MLF1: variants seen among roughly 807,000 people sequenced by gnomAD.
MLF1 encodes myelodysplasia-myeloid leukemia factor 1.
A neutral mutation model predicts 38.3 loss-of-function variants in MLF1; 37 were observed. The ratio of observed to expected loss-of-function variants is 0.96; its 90% confidence interval spans 0.74 to 1.27. MLF1 has a LOEUF of 1.27. Among genes scored for constraint, MLF1 ranks in the 50% most tolerant of loss-of-function variants. The probability of loss-of-function intolerance (pLI) is 0.00; values close to 1 mark genes in which losing one functional copy is unlikely to be tolerated. For missense variants in MLF1, 331 were observed against 349.2 expected (o/e 0.95, Z 0.42); for synonymous variants, 95 against 106.5 (o/e 0.89, Z 0.66).
At chr3:158,604,370 T>C (rs1576697407) in intron 7 of MLF1, among the ~76,000 whole-genome samples, 1 of 152,308 alleles carries the variant, frequency 6.6e-6, no homozygotes, top group East Asian at 1.9e-4. Context: ...CAATGGCATT[T>C]TCTGAAATGA....
At chr3:158,591,133 T>C (rs933948035) in intron 1 of MLF1, 1 of 511,872 alleles carries the variant, frequency 2.0e-6, no homozygotes, top group African/African-American at 1.9e-5. Context: ...GCTTCCTCCT[T>C]TGAGCTGGAG....
chr3:158,582,571 A>G (rs746540226), intron 1 of MLF1: 2 of 281,312 alleles, frequency 7.1e-6, no homozygotes, highest in Non-Finnish European at 1.3e-5. Flanking sequence ...AATCAAAGAT[A>G]AAGAAGAAAT....
chr3:158,598,773 T>A (rs1313688218), intron 5 of MLF1, among the ~76,000 whole-genome samples: 5 of 152,208 alleles, frequency 3.3e-5, no homozygotes. Context: ...AGGTCTATTT[T>A]CCCTTTCTCC....
chr3:158,576,106 C>T (rs1715382239), intron 1 of MLF1, among the ~76,000 whole-genome samples: 1 of 152,084 alleles, frequency 6.6e-6, no homozygotes, highest in Non-Finnish European at 1.5e-5. Flanking sequence ...TATAACAGTG[C>T]ATCTTAAATG....
chr3:158,593,743 T>C (rs2108623079), intron 3 of MLF1, among the ~76,000 whole-genome samples: 2 of 152,348 alleles, frequency 1.3e-5, no homozygotes, highest in East Asian at 3.9e-4. Flanking sequence ...CACATGCTTA[T>C]GATTACTTTC....
intron 1 of MLF1, among the ~76,000 whole-genome samples, chr3:158,577,559 C>T (rs1715652541): frequency 6.6e-6 from 1 of 152,096 alleles, no homozygotes; most frequent in Non-Finnish European, 1.5e-5. Context: ...TATAATTGTT[C>T]TTAGGAATAT....
At chr3:158,603,140 A>G (rs1720040841) in intron 7 of MLF1, among the ~76,000 whole-genome samples, 2 of 152,222 alleles carry the variant, frequency 1.3e-5, no homozygotes, top group South Asian at 4.1e-4. Flanking sequence ...ATAATAGTTT[A>G]GGATTTTATG....
At chr3:158,583,717 C>T (rs1284221477) in intron 1 of MLF1, among the ~76,000 whole-genome samples, 1 of 152,148 alleles carries the variant, frequency 6.6e-6, no homozygotes, top group African/African-American at 2.4e-5. Flanking sequence ...CATTTCCTGA[C>T]ATTCATTAAT....
intron 1 of MLF1, among the ~76,000 whole-genome samples, chr3:158,583,347 CAA>C (rs1365156610): frequency 1.3e-5 from 2 of 151,964 alleles, no homozygotes; most frequent in Admixed American, 6.6e-5. Context: ...GAAGAGGCCT[CAA>C]GAGAAATGAA....
chr3:158,590,174 A>C (rs1332582148), intron 1 of MLF1, among the ~76,000 whole-genome samples: 1 of 152,200 alleles, frequency 6.6e-6, no homozygotes, highest in Non-Finnish European at 1.5e-5. Context: ...TATATAAAGA[A>C]CTCTTATAAC....
At chr3:158,596,462 A>C (rs1267629640) in intron 3 of MLF1, among the ~76,000 whole-genome samples, 1 of 152,180 alleles carries the variant, frequency 6.6e-6, no homozygotes, top group Admixed American at 6.6e-5. Context: ...AGTTATTTGC[A>C]TGGTGGAGTA....
In MLF1 at chr3:158,602,924, G is replaced by C. The variant is rs760411473; in HGVS notation, c.731G>C (p.Arg244Pro). 1 of 1,611,304 alleles carries C rather than the reference G, an allele frequency of 6.2e-7. No individual in the cohort carries two copies. The highest frequency in any genetic ancestry group is 1.7e-5 in the Admixed American group (1 of 59,566). The change falls in exon 7 of 8, where the codon CGA becomes CCA. Residue 244 changes from arginine (R) to proline (P), a missense_variant. By Grantham distance (103) the Arg-to-Pro change is moderately radical (BLOSUM62 -2). Transcript: ENST00000466246. ...GTTGGCCATGAGAATCCTGGCTCCC[G>C]AGAACTTAAAAGAAGGTAAAAGTTG... ...RSVGHENPGS[R>P]ELKRREKPQQ...
At chr3:158,574,814 A>T (rs1286236535) in intron 1 of MLF1, among the ~76,000 whole-genome samples, 1 of 152,148 alleles carries the variant, frequency 6.6e-6, no homozygotes, top group Non-Finnish European at 1.5e-5. Context: ...TAGATTATTG[A>T]GGTGTTGAAG....
Position 158,596,839 on chromosome 3 carries a change from A to G in MLF1, c.241-23A>G, listed in dbSNP as rs201939447. ...TTTGTGTTGTTACCTACAGTTAATA[A>G]CATACTTCCTGATATTCTGTAGCAT... is the stretch of plus-strand genomic sequence containing the variant. On this transcript the variant is annotated intron_variant, in intron 3 of 7. Coordinates refer to ENST00000466246, the MANE Select transcript of MLF1 (RefSeq NM_001369783.1). 61 of 1,533,922 alleles carry G rather than the reference A, an allele frequency of 4.0e-5. No individual in the cohort carries two copies. The African/African-American group carries it at 8.0e-4, about 20-fold the overall frequency.
chr3:158,589,369 A>C (rs1448901321), intron 1 of MLF1, among the ~76,000 whole-genome samples: 1 of 151,702 alleles, frequency 6.6e-6, no homozygotes, highest in Non-Finnish European at 1.5e-5. Context: ...CTACCACCAC[A>C]CCCAGCTAAT....
chr3:158,589,071 C>G (rs956746508), intron 1 of MLF1: 14 of 344,332 alleles, frequency 4.1e-5, no homozygotes, highest in Admixed American at 1.1e-4. Context: ...CTCTGTGTAG[C>G]AAGCACCAAG....
intron 1 of MLF1, among the ~76,000 whole-genome samples, chr3:158,578,663 T>C (rs983931526): frequency 2.0e-5 from 3 of 152,132 alleles, no homozygotes; most frequent in African/African-American, 4.8e-5. Context: ...GTAAATAATA[T>C]AGAATAGAAA....
intron 1 of MLF1, among the ~76,000 whole-genome samples, chr3:158,588,621 A>AAG (rs1560103408): frequency 9.9e-6 from 1 of 100,708 alleles, no homozygotes. Flanking sequence ...AAAAAAAAAA[A>AAG]AAAGCAGAAA....
intron 1 of MLF1, among the ~76,000 whole-genome samples, chr3:158,584,967 GTTTAA>G (rs1717005046): frequency 7.1e-6 from 1 of 141,152 alleles, no homozygotes; most frequent in Admixed American, 7.4e-5. Context: ...GAGCCTGGGT[GTTTAA>G]GGTTGCAGTG....
Sources: gnomAD v4.1 joint callset for allele counts (sites outside exome capture counted in the v4.1 genomes callset) on GRCh38, gnomAD v4.1.1 for gene constraint, MANE v1.5 for transcripts, NCBI Gene and HGNC (gene_info 2026-07-23, HGNC 2026-07-21) for gene names.